The following MED29 variants were observed in gnomAD, a reference collection of about 807,000 sequenced individuals.
MED29 encodes mediator of RNA polymerase II transcription subunit 29.
Under a neutral mutation model 22.0 loss-of-function variants are expected in MED29, and 14 were observed. That is an observed-to-expected ratio of 0.64 (90% CI 0.42 to 0.99). The LOEUF (loss-of-function observed/expected upper bound fraction) is 0.99. Among genes scored for constraint, MED29 ranks in the 50% least tolerant of loss-of-function variants. The pLI is 0.00. For synonymous variants in MED29, 123 were observed against 107.8 expected (o/e 1.14, Z -0.87); for missense variants, 241 against 253.7 (o/e 0.95, Z 0.34).
At chr19:39,396,509 C>T (rs1263464779) in intron 3 of MED29, among the ~76,000 whole-genome samples, 7 of 151,362 alleles carry the variant, frequency 4.6e-5, no homozygotes, top group African/African-American at 1.5e-4. Flanking sequence ...GGGTAGATCA[C>T]GAGGTTAGGA....
Position 39,397,507 on chromosome 19 carries a change from T to A in MED29, c.411T>A (p.Ser137=), listed in dbSNP as rs2078435047. 6.2e-7 allele frequency: 1 copy of A among 1,611,370 alleles called. No homozygotes were observed. The highest frequency in any genetic ancestry group is 1.7e-5 in the Admixed American group (1 of 60,004). The part of the protein sequence containing the change: ...LSQSCDSAKH[S]PTLVPTATKP... ...AGAGTTGTGACAGTGCCAAGCACTCTCCAACGTTGGTGCCCACAGCCACCA... is the reference window on the plus strand; with the variant it reads ...AGAGTTGTGACAGTGCCAAGCACTCACCAACGTTGGTGCCCACAGCCACCA... The change falls in exon 4 of 4, where the codon TCT becomes TCA. Residue 137 remains serine (S), a synonymous_variant. Transcript: ENST00000315588.
chr19:39,393,533 C>T lies in MED29; in HGVS notation c.276-20C>T. On this transcript the variant is annotated intron_variant, in intron 2 of 3. Transcript: ENST00000315588. ...GATTAGAAATCAATTCTTCAGACATCCTTTTTTCCTTGTCTGTAGAAAGAG... is the reference window on the plus strand; with the variant it reads ...GATTAGAAATCAATTCTTCAGACATTCTTTTTTCCTTGTCTGTAGAAAGAG... 6.2e-7 allele frequency: 1 copy of T among 1,609,340 alleles called. No individual in the cohort carries two copies. The highest frequency in any genetic ancestry group is 8.5e-7 in the Non-Finnish European group (1 of 1,175,604).
At chr19:39,392,726 G>A in intron 2 of MED29, 1 of 535,666 alleles carries the variant, frequency 1.9e-6, no homozygotes, top group Non-Finnish European at 3.3e-6. Flanking sequence ...ACCTGAGTTA[G>A]GAGATCCTCT....
In MED29 at chr19:39,398,423, C is replaced by G. The variant is rs575615520; in HGVS notation, c.*724C>G. The G allele has an allele frequency of 6.5e-6, 1 of 152,886 alleles. No individual in the cohort carries two copies. The highest frequency in any genetic ancestry group is 2.1e-4 in the South Asian group (1 of 4,840). The allele number at this position is 152,886 out of a possible 1,614,324, so 9.5% of individuals were successfully genotyped here. ...CTGAGCAGGGAGCAACTCAGGCCCC[C>G]ACCCAAGCCTGCGTCAGCGGAACTT... On this transcript the variant is annotated 3_prime_UTR_variant, in exon 4 of 4. Transcript: ENST00000315588.
intron 3 of MED29, among the ~76,000 whole-genome samples, chr19:39,397,037 A>AAAAG (rs10686129): frequency 0.43 from 64,060 of 150,656 alleles, 14,723 homozygotes; most frequent in African/African-American, 0.58. Context: ...TCAAAAAAAA[A>AAAAG]AAAGAAAGTA....
At position 39,400,021 on chromosome 19, in the gene MED29, A is replaced by C. The variant is rs1160901784; in HGVS notation, c.*2322A>C. ...TGTGGAGCTGATGTTCTAGTGAGAG[A>C]CAGTAAATGTGACAAAAGTAAAATA... is the stretch of plus-strand genomic sequence containing the variant. On this transcript the variant is annotated 3_prime_UTR_variant, in exon 4 of 4. Transcript: ENST00000315588. 6.6e-6 allele frequency: 1 copy of C among 152,230 alleles called. No individual in the cohort carries two copies. Among genetic ancestry groups the C allele is most frequent in the Non-Finnish European group, 1.5e-5 (1 of 68,040 alleles). The allele number at this position is 152,230 out of a possible 1,614,324, so 9.4% of individuals were successfully genotyped here.
At chr19:39,395,141 C>T (rs886476998) in intron 3 of MED29, among the ~76,000 whole-genome samples, 5 of 152,166 alleles carry the variant, frequency 3.3e-5, no homozygotes, top group African/African-American at 7.2e-5. Context: ...ACCGCTGTGC[C>T]GGGCCTGGCC....
chr19:39,395,440 GGC>G (rs770549419), intron 3 of MED29, among the ~76,000 whole-genome samples: 9 of 152,090 alleles, frequency 5.9e-5, no homozygotes, highest in Non-Finnish European at 1.3e-4. Flanking sequence ...GGAGCCCAAG[GGC>G]GCAGCCATGG....
chr19:39,395,687 G>A (rs1404560002), intron 3 of MED29, among the ~76,000 whole-genome samples: 1 of 152,162 alleles, frequency 6.6e-6, no homozygotes, highest in Non-Finnish European at 1.5e-5. Context: ...GGGAGGCCGA[G>A]GCAGGCGGAT....
At chr19:39,393,212 C>T (rs1025409830) in intron 2 of MED29, among the ~76,000 whole-genome samples, 1 of 150,182 alleles carries the variant, frequency 6.7e-6, no homozygotes, top group Admixed American at 6.6e-5. Context: ...TCTCCTGCCT[C>T]GGCCTCCCAA....
intron 2 of MED29, 148 bp from the exon 3 acceptor site, chr19:39,393,405 T>C: frequency 6.8e-6 from 5 of 740,696 alleles, no homozygotes; most frequent in Admixed American, 2.4e-5. Context: ...CTCCTTTTCT[T>C]TTTTTTTGAA....
intron 2 of MED29, 97 bp downstream of exon 2, chr19:39,392,619 A>G (rs778178435): frequency 3.0e-6 from 2 of 664,630 alleles, no homozygotes; most frequent in Non-Finnish European, 4.3e-6. Context: ...CACCTTCTAT[A>G]TTTACTTTTT....
chr19:39,395,090 G>C (rs945027803), intron 3 of MED29, among the ~76,000 whole-genome samples: 3 of 152,174 alleles, frequency 2.0e-5, no homozygotes, highest in African/African-American at 7.2e-5. Flanking sequence ...CTGGGGTCAA[G>C]CAATTCACCC....
chr19:39,391,412 A>G lies in MED29; in HGVS notation c.-11A>G, dbSNP rs768176929. On this transcript the variant is annotated 5_prime_UTR_variant, in exon 1 of 4. Transcript: ENST00000315588. ...AGTCGTAACGCACTTCCGGCGGTCT[A>G]CGCGAGGAAGATGGCTGCATCCCAG... 15 of 1,611,510 alleles carry G rather than the reference A, an allele frequency of 9.3e-6. No homozygotes were observed. The African/African-American group carries it at 1.3e-4, about 14-fold the overall frequency.
chr19:39,393,362 CT>C (rs2078410021), intron 2 of MED29, among the ~76,000 whole-genome samples, 190 bp from the exon 3 acceptor site: 2 of 152,204 alleles, frequency 1.3e-5, no homozygotes, highest in South Asian at 4.1e-4. Context: ...TCCCAAAGTG[CT>C]GGGATTACAG....
intron 3 of MED29, among the ~76,000 whole-genome samples, chr19:39,396,471 T>C (rs907944440): frequency 6.6e-5 from 10 of 151,058 alleles, no homozygotes; most frequent in Non-Finnish European, 1.0e-4. Flanking sequence ...CTCATGCCTG[T>C]AATCCCAACA....
chr19:39,393,488 G>C, intron 2 of MED29, 65 bp from the exon 3 acceptor site: 1 of 1,426,754 alleles, frequency 7.0e-7, no homozygotes, highest in Non-Finnish European at 9.9e-7. Context: ...ACTTGGTTGG[G>C]TAGATACTGG....
rs776751725 is a variant in MED29, at chr19:39,397,028, C to CAA, written c.361-418_361-417dup. ...GGGCAACAAAACCGAAACTCCATCTCAAAAAAAAAAAAGAAAGTAGTACCT... is the reference window on the plus strand; with the variant it reads ...GGGCAACAAAACCGAAACTCCATCTCAAAAAAAAAAAAAAGAAAGTAGTACCT... On this transcript the variant is annotated intron_variant, in intron 3 of 3. Coordinates refer to ENST00000315588, the MANE Select transcript of MED29 (RefSeq NM_017592.4). 6.7e-4 allele frequency among the ~76,000 whole-genome samples: 71 copies of CAA among 106,526 alleles called. No individual in the cohort carries two copies. The East Asian group carries it at 0.014, about 21-fold the overall frequency. The allele number at this position is 106,526 out of a possible 152,430, so 69.9% of individuals were successfully genotyped here. A position where few individuals can be genotyped will look rare whatever the true frequency, so the allele number is the denominator to read the frequency against.
At chr19:39,391,709 A>C in intron 1 of MED29, 71 bp downstream of exon 1, 1 of 1,484,700 alleles carries the variant, frequency 6.7e-7, no homozygotes, top group East Asian at 2.3e-5. Context: ...GGGCCAGGTT[A>C]GTCGGAGAGA....
Sources: gnomAD v4.1 joint callset for allele counts (sites outside exome capture counted in the v4.1 genomes callset) on GRCh38, gnomAD v4.1.1 for gene constraint, MANE v1.5 for transcripts, NCBI Gene and HGNC (gene_info 2026-07-23, HGNC 2026-07-21) for gene names.